The following CCDC81 variants were observed in gnomAD, a reference collection of about 807,000 sequenced individuals.
The protein encoded by CCDC81 is coiled-coil domain containing 81, also known as coiled-coil domain-containing protein 81.
Under a neutral mutation model 83.7 loss-of-function variants are expected in CCDC81, and 79 were observed. The ratio of observed to expected loss-of-function variants is 0.94; its 90% CI spans 0.79 to 1.14. The LOEUF is 1.14. CCDC81 is among the 50% of genes most tolerant of loss of function. The pLI, the probability that CCDC81 is intolerant of heterozygous loss-of-function variation, is 0.00. For synonymous variants in CCDC81, 252 were observed against 278.1 expected (o/e 0.91, Z 0.93); for missense variants, 791 against 778.1 (o/e 1.02, Z -0.20).
chr11:86,402,565 T>C (rs555855108), intron 7 of CCDC81, among the ~76,000 whole-genome samples: 1 of 152,256 alleles, frequency 6.6e-6, no homozygotes, highest in East Asian at 1.9e-4. Flanking sequence ...GTTGTGAAAA[T>C]ATAATTAAAC....
In CCDC81 at chr11:86,395,327, C is replaced by G. The variant is rs369882372; in HGVS notation, c.556-7C>G. ...AGATGTAACCTTGCTCTGTTGCTGT[C>G]CTCTAGAGGCCTGGCACTGTGGACT... On this transcript the variant is annotated splice_region_variant and splice_polypyrimidine_tract_variant and intron_variant, in intron 4 of 14. Coordinates refer to ENST00000445632, the MANE Select transcript of CCDC81 (RefSeq NM_001156474.2). The G allele has an allele frequency of 2.5e-6, 4 of 1,613,552 alleles. No homozygotes were observed. The Admixed American group carries it at 5.0e-5, about 20-fold the overall frequency.
chr11:86,417,759 T>G (rs1948741187), intron 13 of CCDC81, among the ~76,000 whole-genome samples: 1 of 151,840 alleles, frequency 6.6e-6, no homozygotes, highest in East Asian at 1.9e-4. Context: ...TTTTTTTTTG[T>G]TTTTTTGAGA....
chr11:86,393,752 G>A (rs1948366680), intron 4 of CCDC81, among the ~76,000 whole-genome samples: 1 of 152,190 alleles, frequency 6.6e-6, no homozygotes, highest in Non-Finnish European at 1.5e-5. Context: ...ATACAGCAGA[G>A]TTTAAACAAA....
At chr11:86,414,709 A>G (rs1416089047) in intron 11 of CCDC81, 80 bp from the exon 12 acceptor site, 2 of 813,940 alleles carry the variant, frequency 2.5e-6, no homozygotes, top group Non-Finnish European at 4.0e-6. Flanking sequence ...AATACTTATT[A>G]AACATGTTTT....
At chr11:86,386,012 A>G in intron 1 of CCDC81, 39 bp from the exon 2 acceptor site, 1 of 1,021,204 alleles carries the variant, frequency 9.8e-7, no homozygotes, top group Non-Finnish European at 1.5e-6. Flanking sequence ...ATGGGTGCGC[A>G]TATAAATTGA....
At chr11:86,381,580 C>T (rs1286485978) in intron 1 of CCDC81, among the ~76,000 whole-genome samples, 3 of 152,162 alleles carry the variant, frequency 2.0e-5, no homozygotes, top group African/African-American at 7.2e-5. Flanking sequence ...GTTCTTGATG[C>T]TGTTTCTGCA....
intron 13 of CCDC81, 185 bp from the exon 14 acceptor site, chr11:86,419,743 T>C (rs7932664): frequency 0.079 from 37,012 of 470,510 alleles, 2,287 homozygotes; most frequent in African/African-American, 0.23. Context: ...AGACCTTTGA[T>C]CCATAAATTA....
intron 10 of CCDC81, among the ~76,000 whole-genome samples, chr11:86,410,851 C>A (rs1190287523): frequency 6.6e-6 from 1 of 152,196 alleles, no homozygotes; most frequent in East Asian, 1.9e-4. Context: ...GACTTCCGAT[C>A]ATTTGCAAGT....
intron 11 of CCDC81, among the ~76,000 whole-genome samples, chr11:86,413,985 A>G (rs965879085): frequency 3.9e-5 from 6 of 152,242 alleles, no homozygotes; most frequent in Non-Finnish European, 7.3e-5. Flanking sequence ...CTGTGATGAA[A>G]AAAATCTATT....
intron 1 of CCDC81, among the ~76,000 whole-genome samples, chr11:86,376,281 A>G (rs1300609767): frequency 6.6e-6 from 1 of 152,216 alleles, no homozygotes; most frequent in Non-Finnish European, 1.5e-5. Flanking sequence ...TTTTTAGGGT[A>G]GTTGTAGATT....
chr11:86,401,123 G>C (rs979578993), intron 7 of CCDC81, among the ~76,000 whole-genome samples: 4 of 152,206 alleles, frequency 2.6e-5, no homozygotes, highest in African/African-American at 9.6e-5. Context: ...CATGTTTTCC[G>C]AGTGCTTGGA....
chr11:86,419,945 C>A lies in CCDC81; in HGVS notation c.1709C>A (p.Thr570Asn), dbSNP rs981540042. 1 of 1,612,558 alleles carries A rather than the reference C, an allele frequency of 6.2e-7. No homozygotes were observed. Among genetic ancestry groups the A allele is most frequent in the Non-Finnish European group, 8.5e-7 (1 of 1,179,396 alleles). Residue 570 changes from threonine to asparagine, a missense_variant, in exon 14 of 15, where the codon ACC becomes AAC. Coordinates refer to ENST00000445632, the MANE Select transcript of CCDC81 (RefSeq NM_001156474.2). Reference sequence around the variant, plus strand: ...CTCTCCAGGCACTTGGCAGACAGAACCGCTGAGCTGGAGCGAGTAAATAGA... The same window carrying A: ...CTCTCCAGGCACTTGGCAGACAGAAACGCTGAGCTGGAGCGAGTAAATAGA... The part of the protein sequence containing the change: ...RTQREHLADR[T>N]AELERVNRVN...
At chr11:86,396,585 C>A (rs1280212547) in intron 5 of CCDC81, among the ~76,000 whole-genome samples, 1 of 152,158 alleles carries the variant, frequency 6.6e-6, no homozygotes, top group Non-Finnish European at 1.5e-5. Flanking sequence ...TTTGGAACAA[C>A]CCCCTCCTGG....
intron 14 of CCDC81, among the ~76,000 whole-genome samples, chr11:86,421,553 GC>G (rs1948791042): frequency 6.6e-6 from 1 of 152,110 alleles, no homozygotes; most frequent in Admixed American, 6.5e-5. Context: ...CTCGCAATCC[GC>G]CCGCCTCGGC....
At chr11:86,393,004 A>G (rs1398886115) in intron 4 of CCDC81, among the ~76,000 whole-genome samples, 1 of 152,256 alleles carries the variant, frequency 6.6e-6, no homozygotes, top group Non-Finnish European at 1.5e-5. Context: ...AAGTCAATTG[A>G]GGGATATAAA....
chr11:86,394,811 A>G (rs1425175861), intron 4 of CCDC81, among the ~76,000 whole-genome samples: 4 of 152,208 alleles, frequency 2.6e-5, no homozygotes, highest in African/African-American at 9.6e-5. Flanking sequence ...TTCAGTATTT[A>G]CTATGTGCTA....
At chr11:86,407,853 T>G in intron 8 of CCDC81, 152 bp downstream of exon 8, 1 of 673,498 alleles carries the variant, frequency 1.5e-6, no homozygotes, top group Non-Finnish European at 2.5e-6. Context: ...GATAAATCTA[T>G]CTACTAGTCA....
Position 86,420,025 on chromosome 11 carries a change from C to G in CCDC81, c.1789C>G (p.Arg597Gly), listed in dbSNP as rs199958036. 2 of 1,613,524 alleles carry G rather than the reference C, an allele frequency of 1.2e-6. No homozygotes were observed. Among genetic ancestry groups the G allele is most frequent in the East Asian group, 4.5e-5 (2 of 44,862 alleles). ...WERSAAMKKQ[R>G]DLEDKAFERA... ...AAGGAGTGCTGCGATGAAGAAGCAG[C>G]GAGACCTGGAGGACAAGGCTTTTGA... Residue 597 changes from arginine to glycine, a missense_variant, in exon 14 of 15, where the codon CGA becomes GGA. Physicochemically the swap from Arg to Gly is moderately radical, Grantham distance 125 (BLOSUM62 -2). Coordinates refer to ENST00000445632, the MANE Select transcript of CCDC81 (RefSeq NM_001156474.2).
At chr11:86,375,776 T>G (rs1337450000) in intron 1 of CCDC81, among the ~76,000 whole-genome samples, 1 of 152,178 alleles carries the variant, frequency 6.6e-6, no homozygotes, top group Non-Finnish European at 1.5e-5. Context: ...ACAAGATCTG[T>G]TTTTAGCATC....
Sources: allele counts gnomAD v4.1 joint callset (sites outside exome capture counted in the v4.1 genomes callset), GRCh38; gene constraint gnomAD v4.1.1; transcripts MANE v1.5; gene names NCBI Gene and HGNC (gene_info 2026-07-23, HGNC 2026-07-21).